RCAN1: variants seen among roughly 807,000 people sequenced by gnomAD.
RCAN1 encodes regulator of calcineurin 1.
RCAN1 carries 11 observed loss-of-function variants against 22.9 expected under a neutral mutation model. The ratio of observed to expected loss-of-function variants is 0.48; its 90% CI spans 0.30 to 0.79. The LOEUF (loss-of-function observed/expected upper bound fraction) is 0.79, where lower values mean the gene tolerates loss of function less well. RCAN1 is among the 30% of genes least tolerant of loss of function. The probability of loss-of-function intolerance (pLI) is 0.06; values close to 1 mark genes in which losing one functional copy is unlikely to be tolerated. For synonymous variants in RCAN1, 136 were observed against 142.3 expected, an observed-to-expected ratio of 0.96 and a Z score of 0.32; for missense variants, 291 against 337.8, an observed-to-expected ratio of 0.86 and a Z score of 1.09.
In RCAN1 at chr21:34,614,464, C is replaced by G; in HGVS notation, c.252+296G>C. 1 of 1,021,034 alleles carries G rather than the reference C, an allele frequency of 9.8e-7. No individual in the cohort carries two copies. Among genetic ancestry groups the G allele is most frequent in the Middle Eastern group, 4.7e-4 (1 of 2,120 alleles). The allele number at this position is 1,021,034 out of a possible 1,614,324, so 63.2% of individuals were successfully genotyped here. On this transcript the variant is annotated intron_variant, in intron 1 of 3. Transcript: ENST00000313806. The surrounding 1 kb of genome is among the most constrained non-coding windows in gnomAD (Gnocchi z 6.0). ...GCAGGGGGCGGCGGCGCTGCCCCAC[C>G]TTGGGGAGCGAATTCACCCCCCTAG... is the stretch of plus-strand genomic sequence containing the variant.
chr21:34,546,832 A>G (rs1455880786), intron 1 of RCAN1, among the ~76,000 whole-genome samples: 1 of 152,214 alleles, frequency 6.6e-6, no homozygotes, highest in Non-Finnish European at 1.5e-5. Flanking sequence ...TCCCATTAAA[A>G]GGGGGAAACA....
At chr21:34,526,685 A>T in intron 1 of RCAN1, 1 of 1,613,524 alleles carries the variant, frequency 6.2e-7, no homozygotes, top group Non-Finnish European at 8.5e-7. Context: ...TTCGCTGAAG[A>T]TATCACTGTT....
rs958478440 is a variant in RCAN1 at position 34,519,690 on chromosome 21, C to A, written c.587-1434G>T. On this transcript the variant is annotated intron_variant, in intron 3 of 3. Coordinates refer to ENST00000313806, the MANE Select transcript of RCAN1 (RefSeq NM_004414.7). ...GGGATTACAGGCATGAGCCACCGCG[C>A]CCGGCCTGTGCTTGGGATTTCTTTG... Among the ~76,000 whole-genome samples, 3 of 152,148 alleles carry A rather than the reference C, an allele frequency of 2.0e-5. No individual in the cohort carries two copies. In the East Asian group the frequency reaches 5.8e-4, roughly 29 times the overall value.
chr21:34,568,474 T>C (rs1420921405), intron 1 of RCAN1, among the ~76,000 whole-genome samples: 1 of 152,188 alleles, frequency 6.6e-6, no homozygotes, highest in East Asian at 1.9e-4. Flanking sequence ...GTCTAGAAAG[T>C]GTGTTTGTTG....
rs528553958 is a variant in RCAN1 at position 34,576,371 on chromosome 21, G to A, written c.252+38389C>T. 2.2e-4 allele frequency among the ~76,000 whole-genome samples: 34 copies of A among 152,280 alleles called. No individual in the cohort carries two copies. In the South Asian group the frequency reaches 6.0e-3, roughly 27 times the overall value. ...CAATAAGAGTTGGGGCCCCTCCAAC[G>A]GCAGGGATCTGGACAGCTTCCAGAG... is the stretch of plus-strand genomic sequence containing the variant. On this transcript the variant is annotated intron_variant, in intron 1 of 3. Coordinates refer to ENST00000313806, the MANE Select transcript of RCAN1 (RefSeq NM_004414.7).
intron 1 of RCAN1, among the ~76,000 whole-genome samples, chr21:34,567,355 G>A (rs906096669): frequency 6.6e-6 from 1 of 152,090 alleles, no homozygotes; most frequent in African/African-American, 2.4e-5. Flanking sequence ...AATTAGCCGA[G>A]CGTGGGGGGC....
intron 1 of RCAN1, among the ~76,000 whole-genome samples, chr21:34,613,464 T>C (rs976195379): frequency 6.6e-6 from 1 of 152,184 alleles, no homozygotes. Flanking sequence ...TGGGCAAACT[T>C]TCATACAACA....
chr21:34,592,785 C>A (rs949503759), intron 1 of RCAN1, among the ~76,000 whole-genome samples: 20 of 152,180 alleles, frequency 1.3e-4, no homozygotes, highest in Non-Finnish European at 1.5e-5. Flanking sequence ...GCCAGATTTT[C>A]CTATATGATG....
intron 1 of RCAN1, chr21:34,524,087 AT>A: frequency 6.3e-6 from 1 of 157,556 alleles, no homozygotes; most frequent in Non-Finnish European, 1.4e-5. Flanking sequence ...TCCTCAATAC[AT>A]TTTTTACTGA....
intron 1 of RCAN1, among the ~76,000 whole-genome samples, chr21:34,544,556 G>C (rs1024154309): frequency 1.3e-5 from 2 of 152,200 alleles, no homozygotes; most frequent in Middle Eastern, 3.2e-3. Flanking sequence ...AATGGGCATT[G>C]TAAGCCACTA....
intron 1 of RCAN1, among the ~76,000 whole-genome samples, chr21:34,566,386 C>T (rs946736486): frequency 1.3e-5 from 2 of 152,164 alleles, no homozygotes; most frequent in Non-Finnish European, 2.9e-5. Context: ...TTCATGGCAA[C>T]AAACTGTAAA....
At chr21:34,587,851 C>T (rs920987990) in intron 1 of RCAN1, among the ~76,000 whole-genome samples, 2 of 152,104 alleles carry the variant, frequency 1.3e-5, no homozygotes, top group Admixed American at 6.5e-5. Flanking sequence ...TTTTGAGATG[C>T]GATTAACATT....
At chr21:34,574,645 T>C (rs147013642) in intron 1 of RCAN1, among the ~76,000 whole-genome samples, 1 of 152,232 alleles carries the variant, frequency 6.6e-6, no homozygotes, top group Non-Finnish European at 1.5e-5. Context: ...AAAAAGATAA[T>C]ACAAACTCTA....
intron 1 of RCAN1, among the ~76,000 whole-genome samples, chr21:34,569,875 C>T (rs748633630): frequency 1.3e-5 from 2 of 152,220 alleles, no homozygotes; most frequent in African/African-American, 2.4e-5. Context: ...TGATTAATTC[C>T]TTCCCGGATC....
chr21:34,544,231 A>C (rs536122935), intron 1 of RCAN1, among the ~76,000 whole-genome samples: 58 of 152,324 alleles, frequency 3.8e-4, no homozygotes, highest in African/African-American at 1.3e-3. Context: ...CAGTTAGGTT[A>C]TATTACCCTG....
intron 1 of RCAN1, among the ~76,000 whole-genome samples, chr21:34,571,566 A>T (rs1297322802): frequency 2.6e-5 from 4 of 151,960 alleles, no homozygotes; most frequent in Non-Finnish European, 5.9e-5. Context: ...TACAGATAAA[A>T]TTTTTTTTGA....
At chr21:34,600,064 G>A (rs551864241) in intron 1 of RCAN1, among the ~76,000 whole-genome samples, 18 of 152,254 alleles carry the variant, frequency 1.2e-4, no homozygotes, top group Admixed American at 9.2e-4. Context: ...TCCAGATCAC[G>A]CTATGCTAAA....
rs1160075845 is a variant in RCAN1 at position 34,614,042 on chromosome 21, C to T, written c.252+718G>A. Among the ~76,000 whole-genome samples the T allele has an allele frequency of 6.6e-6, 1 of 152,176 alleles. No individual in the cohort carries two copies. Among genetic ancestry groups the T allele is most frequent in the Admixed American group, 6.5e-5 (1 of 15,290 alleles). Reference sequence around the variant, plus strand: ...CCATTATTGATTACTCATACCTGCCCCTCACCCTCCAAAGTGTCTAAATTG... The same window carrying T: ...CCATTATTGATTACTCATACCTGCCTCTCACCCTCCAAAGTGTCTAAATTG... On this transcript the variant is annotated intron_variant, in intron 1 of 3. Transcript: ENST00000313806. This position sits in a 1 kb window ranked among gnomAD's most constrained non-coding sequence, Gnocchi z 6.0.
At chr21:34,554,013 C>T (rs1485906063) in intron 1 of RCAN1, among the ~76,000 whole-genome samples, 1 of 152,132 alleles carries the variant, frequency 6.6e-6, no homozygotes, top group Non-Finnish European at 1.5e-5. Flanking sequence ...TTTAAGTTGC[C>T]TCAATTTGCT....
Sources: allele counts gnomAD v4.1 joint callset (sites outside exome capture counted in the v4.1 genomes callset), GRCh38; gene constraint gnomAD v4.1.1; non-coding constraint Gnocchi (gnomAD v3.1); transcripts MANE v1.5; gene names NCBI Gene and HGNC (gene_info 2026-07-23, HGNC 2026-07-21).